MAP2K1: variants seen among roughly 807,000 people sequenced by gnomAD.
MAP2K1 encodes the protein dual specificity mitogen-activated protein kinase kinase 1.
MAP2K1 carries 16 observed loss-of-function variants against 46.3 expected under a neutral mutation model. The observed-to-expected ratio is 0.35, with a 90% CI of 0.23 to 0.52. The LOEUF (loss-of-function observed/expected upper bound fraction) is 0.52, where lower values mean the gene tolerates loss of function less well. MAP2K1 is among the 20% of genes least tolerant of loss of function. MAP2K1 has a pLI of 0.94. For missense variants in MAP2K1, 263 were observed against 497.1 expected (o/e 0.53, Z 4.48); for synonymous variants, 183 against 185.6 (o/e 0.99, Z 0.11).
chr15:66,453,937 T>G (rs917372556), intron 5 of MAP2K1, among the ~76,000 whole-genome samples: 3 of 152,246 alleles, frequency 2.0e-5, no homozygotes, highest in African/African-American at 7.2e-5. Flanking sequence ...GTGCTGAGAC[T>G]ACAGGCATGA....
chr15:66,456,612 T>C (rs187387224), intron 5 of MAP2K1, among the ~76,000 whole-genome samples: 2 of 152,208 alleles, frequency 1.3e-5, no homozygotes, highest in African/African-American at 4.8e-5. Context: ...CCAGAGAAAG[T>C]ACTCCACCCA....
intron 3 of MAP2K1, among the ~76,000 whole-genome samples, chr15:66,437,165 C>T (rs1023970893): frequency 1.2e-4 from 19 of 152,148 alleles, no homozygotes. Flanking sequence ...ATTCTGATTA[C>T]CCTAAGATGT....
intron 1 of MAP2K1, among the ~76,000 whole-genome samples, chr15:66,392,884 A>T (rs2093359971): frequency 6.6e-6 from 1 of 151,678 alleles, no homozygotes. Context: ...TTTTGTTTTG[A>T]GCTCTATTCA....
At chr15:66,478,437 CACAGGTATATATATAT>C (rs1419148654) in intron 5 of MAP2K1, among the ~76,000 whole-genome samples, 6 of 129,028 alleles carry the variant, frequency 4.7e-5, no homozygotes, top group Admixed American at 7.6e-5. Context: ...TATATATACA[CACAGGTATATATATAT>C]ACAGGTATAT....
chr15:66,413,491 AAAAC>A (rs772819595), intron 1 of MAP2K1, among the ~76,000 whole-genome samples: 53 of 152,358 alleles, frequency 3.5e-4, no homozygotes, highest in Non-Finnish European at 5.7e-4. Flanking sequence ...TCATAATACT[AAAAC>A]AAATTATGAA....
At chr15:66,470,525 C>T (rs1031633049) in intron 5 of MAP2K1, among the ~76,000 whole-genome samples, 1 of 152,120 alleles carries the variant, frequency 6.6e-6, no homozygotes. Flanking sequence ...TTCCTTGTGT[C>T]GGAAGCAAGT....
At chr15:66,429,598 G>A (rs1018380109) in intron 1 of MAP2K1, among the ~76,000 whole-genome samples, 3 of 151,328 alleles carry the variant, frequency 2.0e-5, no homozygotes. Context: ...GGTATGGGAA[G>A]GTATAGAACG....
chr15:66,453,416 C>A, intron 5 of MAP2K1: 1 of 696,904 alleles, frequency 1.4e-6, no homozygotes. Context: ...TGTGGGCTGG[C>A]CTGGCTGCTC....
intron 5 of MAP2K1, among the ~76,000 whole-genome samples, chr15:66,477,530 G>A (rs916643130): frequency 7.9e-5 from 12 of 152,190 alleles, no homozygotes; most frequent in African/African-American, 2.7e-4. Flanking sequence ...TATGAGAGCC[G>A]CCATTGTGAC....
intron 5 of MAP2K1, among the ~76,000 whole-genome samples, chr15:66,455,524 A>G (rs1199265603): frequency 1.3e-5 from 2 of 152,198 alleles, no homozygotes. Flanking sequence ...TTTGAGGAAG[A>G]TTAGCTGTTT....
chr15:66,392,254 G>GTTT (rs374203054), intron 1 of MAP2K1, among the ~76,000 whole-genome samples: 16,143 of 78,756 alleles, frequency 0.2, 2,215 homozygotes, highest in Non-Finnish European at 0.23. Flanking sequence ...GTTTTTTTTG[G>GTTT]GTTTTTTTTT....
intron 1 of MAP2K1, among the ~76,000 whole-genome samples, chr15:66,428,834 C>T (rs1663568772): frequency 8.0e-6 from 1 of 124,446 alleles, no homozygotes; most frequent in Non-Finnish European, 1.6e-5. Flanking sequence ...GGCTAGAGTG[C>T]AGTGACGCGA....
At chr15:66,425,488 C>CAA (rs1245747735) in intron 1 of MAP2K1, among the ~76,000 whole-genome samples, 1 of 152,134 alleles carries the variant, frequency 6.6e-6, no homozygotes, top group Non-Finnish European at 1.5e-5. Context: ...AGAAAAGTCT[C>CAA]ATAGTCATTG....
At chr15:66,481,991 G>A in intron 6 of MAP2K1, 112 bp downstream of exon 6, 1 of 1,310,072 alleles carries the variant, frequency 7.6e-7, no homozygotes, top group South Asian at 1.2e-5. Flanking sequence ...GACAAGAAGT[G>A]AGGGAGGAGG....
chr15:66,470,245 A>C (rs74022015), intron 5 of MAP2K1, among the ~76,000 whole-genome samples: 46 of 152,226 alleles, frequency 3.0e-4, no homozygotes, highest in African/African-American at 1.1e-3. Flanking sequence ...AAAAAGAAAC[A>C]GTAAAGCAAA....
intron 1 of MAP2K1, among the ~76,000 whole-genome samples, chr15:66,412,886 TTTA>T (rs1343051252): frequency 6.6e-6 from 1 of 151,400 alleles, no homozygotes. Context: ...ATTTATTTAT[TTTA>T]TTATTTTATT....
At chr15:66,486,444 T>C (rs920673974) in intron 7 of MAP2K1, among the ~76,000 whole-genome samples, 5 of 152,190 alleles carry the variant, frequency 3.3e-5, no homozygotes, top group African/African-American at 4.8e-5. Flanking sequence ...CGGATTTGCC[T>C]AGCATTATAT....
At chr15:66,447,951 G>A (rs1339471504) in intron 5 of MAP2K1, among the ~76,000 whole-genome samples, 3 of 150,974 alleles carry the variant, frequency 2.0e-5, no homozygotes, top group African/African-American at 7.3e-5. Context: ...AGGAGTTCGA[G>A]ACCAGACTGG....
In MAP2K1 at chr15:66,405,215, T is replaced by A. The variant is rs901857759; in HGVS notation, c.80+17788T>A. 1.1e-4 allele frequency among the ~76,000 whole-genome samples: 17 copies of A among 152,230 alleles called. No homozygotes were observed. In the East Asian group the frequency reaches 3.3e-3, roughly 29 times the overall value. On this transcript the variant is annotated intron_variant, in intron 1 of 10. Transcript: ENST00000307102. ...GCTAAGTTTAGACTCAGGTCTGTCC[T>A]ACTCTGATAGGCATGCTTTTTCCAC...
Sources: allele counts gnomAD v4.1 joint callset (sites outside exome capture counted in the v4.1 genomes callset), GRCh38; gene constraint gnomAD v4.1.1; transcripts MANE v1.5; gene names NCBI Gene and HGNC (gene_info 2026-07-23, HGNC 2026-07-21).